Variants in DNAJC11 observed in about 807,000 individuals in gnomAD.
DNAJC11 encodes the protein DnaJ heat shock protein family (Hsp40) member C11.
DNAJC11 carries 15 observed loss-of-function variants against 78.6 expected under a neutral mutation model. The ratio of observed to expected loss-of-function variants is 0.19; its 90% CI spans 0.13 to 0.29. The LOEUF (loss-of-function observed/expected upper bound fraction) is 0.29. Ranked by LOEUF, DNAJC11 falls within the 10% of genes least tolerant of loss-of-function variation. The pLI, the probability that DNAJC11 is intolerant of heterozygous loss-of-function variation, is 1.00. For synonymous variants in DNAJC11, 292 were observed against 272.1 expected (o/e 1.07, Z -0.72); for missense variants, 547 against 709.6 (o/e 0.77, Z 2.60).
At chr1:6,685,580 C>A (rs1557487069) in intron 1 of DNAJC11, among the ~76,000 whole-genome samples, 1 of 152,170 alleles carries the variant, frequency 6.6e-6, no homozygotes, top group Non-Finnish European at 1.5e-5. Context: ...AGCTCCTCTG[C>A]CCCAGCCAAT....
intron 4 of DNAJC11, among the ~76,000 whole-genome samples, chr1:6,663,888 G>A (rs1642256269): frequency 6.6e-6 from 1 of 152,190 alleles, no homozygotes; most frequent in South Asian, 2.1e-4. Flanking sequence ...GCAGAAACTG[G>A]ACTAAGAATG....
intron 4 of DNAJC11, among the ~76,000 whole-genome samples, chr1:6,666,949 C>T (rs544340309): frequency 2.6e-4 from 39 of 152,216 alleles, no homozygotes; most frequent in African/African-American, 9.4e-4. Flanking sequence ...GTACACCGGG[C>T]CATGTTTCAT....
chr1:6,676,274 ACT>A (rs2147876309), intron 3 of DNAJC11, among the ~76,000 whole-genome samples: 1 of 152,310 alleles, frequency 6.6e-6, no homozygotes, highest in East Asian at 1.9e-4. Context: ...CCTCAGATCC[ACT>A]GTTACCAGAT....
chr1:6,656,223 T>C (rs1642124501), intron 4 of DNAJC11, among the ~76,000 whole-genome samples: 1 of 151,660 alleles, frequency 6.6e-6, no homozygotes, highest in South Asian at 2.1e-4. Flanking sequence ...TTATGAGATA[T>C]AATGAGATAC....
At chr1:6,662,061 C>T (rs1191876634) in intron 4 of DNAJC11, among the ~76,000 whole-genome samples, 1 of 152,044 alleles carries the variant, frequency 6.6e-6, no homozygotes, top group Non-Finnish European at 1.5e-5. Context: ...AAGCATTCCT[C>T]CTGCCTCAGC....
At chr1:6,682,841 C>G (rs1642575094) in intron 1 of DNAJC11, among the ~76,000 whole-genome samples, 1 of 152,084 alleles carries the variant, frequency 6.6e-6, no homozygotes, top group Non-Finnish European at 1.5e-5. Flanking sequence ...GGAGGATCAC[C>G]TAAGCCTGGG....
chr1:6,692,609 ATTT>A (rs35568963), intron 1 of DNAJC11, among the ~76,000 whole-genome samples: 2 of 127,378 alleles, frequency 1.6e-5, no homozygotes, highest in African/African-American at 6.0e-5. Context: ...TGCTTCAGGA[ATTT>A]TTTTTTTTTT....
intron 7 of DNAJC11, among the ~76,000 whole-genome samples, chr1:6,647,541 C>T (rs768155435): frequency 2.9e-4 from 44 of 150,888 alleles, no homozygotes; most frequent in Non-Finnish European, 4.3e-4. Context: ...GCTAGTAGGC[C>T]GGGCGCGGTG....
In DNAJC11 at chr1:6,645,834, G is replaced by A. The variant is rs201142152; in HGVS notation, c.849C>T (p.Ser283=). ...RWGIQSAMNT[S]IVRDTKTSHF... ...GGCTGGTTTTAGTGTCTCGGACGAT[G>A]CTAGTGTTCATGGCTGACTGGATAC... is the stretch of plus-strand genomic sequence containing the variant. The change falls in exon 8 of 16, where the codon AGC becomes AGT. Residue 283 remains serine (S), a synonymous_variant. Coordinates refer to ENST00000377577, the MANE Select transcript of DNAJC11 (RefSeq NM_018198.4). This position sits in a 1 kb window ranked among gnomAD's most constrained non-coding sequence, Gnocchi z 4.1. 55 of 1,614,090 alleles carry A rather than the reference G, an allele frequency of 3.4e-5. No individual in the cohort carries two copies. Among genetic ancestry groups the A allele is most frequent in the Non-Finnish European group, 3.8e-5 (45 of 1,180,046 alleles).
chr1:6,682,789 G>A (rs963280607), intron 1 of DNAJC11, among the ~76,000 whole-genome samples: 1 of 152,160 alleles, frequency 6.6e-6, no homozygotes, highest in Non-Finnish European at 1.5e-5. Flanking sequence ...TTACCTGGGC[G>A]TGGAGGCGCT....
rs1642933692 is a variant in DNAJC11, at chr1:6,701,770, C to A, written c.31G>T (p.Asp11Tyr). The change falls in exon 1 of 16, where the codon GAC (aspartate) becomes TAC (tyrosine). Residue 11 changes from aspartate (D) to tyrosine (Y), a missense_variant. Coordinates refer to ENST00000377577, the MANE Select transcript of DNAJC11 (RefSeq NM_018198.4). ...AGCAACGAGTAATAGTCTTCATTGTCCAGCTCCTCCTCGCTCAAGGCCGTC... is the reference window on the plus strand; with the variant it reads ...AGCAACGAGTAATAGTCTTCATTGTACAGCTCCTCCTCGCTCAAGGCCGTC... MATALSEEEL[D>Y]NEDYYSLLNV... 1 of 1,567,654 alleles carries A rather than the reference C, an allele frequency of 6.4e-7. No homozygotes were observed. The highest frequency in any genetic ancestry group is 1.2e-5 in the South Asian group (1 of 85,350).
chr1:6,666,309 C>T (rs988816573), intron 4 of DNAJC11, among the ~76,000 whole-genome samples: 14 of 151,830 alleles, frequency 9.2e-5, no homozygotes, highest in African/African-American at 2.4e-4. Flanking sequence ...AACTGCTTTC[C>T]GGAATGTATT....
At chr1:6,662,712 A>G (rs1011199249) in intron 4 of DNAJC11, among the ~76,000 whole-genome samples, 3 of 152,144 alleles carry the variant, frequency 2.0e-5, no homozygotes, top group African/African-American at 4.8e-5. Context: ...GTGGCTAGCT[A>G]GAGTATTGTA....
chr1:6,643,857 A>C (rs1339405842), intron 10 of DNAJC11, among the ~76,000 whole-genome samples: 1 of 151,980 alleles, frequency 6.6e-6, no homozygotes, highest in Non-Finnish European at 1.5e-5. Context: ...TTGCTTACTC[A>C]GCAAAGACAC....
Position 6,644,656 on chromosome 1 carries a change from C to T in DNAJC11, c.999G>A (p.Thr333=), listed in dbSNP as rs550238335. The T allele has an allele frequency of 2.4e-5, 38 of 1,614,174 alleles. No individual in the cohort carries two copies. In the Middle Eastern group the frequency reaches 6.6e-4, roughly 28 times the overall value. ...KGSLKAGFFG[T]VVEYGAERKI... is the part of the protein sequence containing the mutation. ...TCCTCTCAGCTCCGTACTCCACCAC[C>T]GTCCCAAAGAAGCCTGCTCTGCAGG... Residue 333 remains threonine, a synonymous_variant, in exon 10 of 16, where the codon ACG becomes ACA. Transcript: ENST00000377577.
chr1:6,654,722 ACAT>A (rs1642102035), intron 4 of DNAJC11, among the ~76,000 whole-genome samples: 1 of 151,880 alleles, frequency 6.6e-6, no homozygotes, highest in Admixed American at 6.6e-5. Flanking sequence ...ATGGCCACAC[ACAT>A]TTTTTTAACT....
chr1:6,652,081 G>A (rs999655331), intron 6 of DNAJC11, among the ~76,000 whole-genome samples: 3 of 152,210 alleles, frequency 2.0e-5, no homozygotes, highest in Admixed American at 6.5e-5. Context: ...GCCCAGCCGC[G>A]GTTCCACACC....
intron 10 of DNAJC11, 102 bp from the exon 11 acceptor site, chr1:6,640,159 G>C (rs376675442): frequency 8.0e-6 from 11 of 1,373,936 alleles, no homozygotes; most frequent in Non-Finnish European, 1.1e-5. Context: ...CTTGTGCTGC[G>C]TGCAGCTGCG....
At position 6,653,229 on chromosome 1, in the gene DNAJC11, CAGAT is replaced by C; in HGVS notation, c.508-282_508-279del. ...ATGGGGCTGCATGTCCCAATGGTAT[CAGAT>C]AGCACAGTGACTTCACTGTGTGCCT... On this transcript the variant is annotated intron_variant, in intron 5 of 15. Transcript: ENST00000377577. The surrounding 1 kb of genome is among the most constrained non-coding windows in gnomAD (Gnocchi z 4.5). Among the ~76,000 whole-genome samples, 1 of 152,280 alleles carries C rather than the reference CAGAT, an allele frequency of 6.6e-6. No homozygotes were observed. The highest frequency in any genetic ancestry group is 1.5e-5 in the Non-Finnish European group (1 of 68,020).
Sources: gnomAD v4.1 joint callset for allele counts (sites outside exome capture counted in the v4.1 genomes callset) on GRCh38, gnomAD v4.1.1 for gene constraint, Gnocchi (gnomAD v3.1) non-coding constraint, MANE v1.5 for transcripts, NCBI Gene and HGNC (gene_info 2026-07-23, HGNC 2026-07-21) for gene names.